The following AK8 variants were observed in gnomAD, a reference collection of about 807,000 sequenced individuals.
The protein encoded by AK8 is adenylate kinase 8.
AK8 carries 44 observed loss-of-function variants against 54.6 expected under a neutral mutation model. The observed-to-expected ratio is 0.81, with a 90% CI of 0.63 to 1.04. AK8 has a LOEUF of 1.04. Ranked by LOEUF, AK8 falls within the 50% of genes least tolerant of loss-of-function variation. AK8 has a pLI of 0.00. For synonymous variants in AK8, 239 were observed against 245.6 expected (o/e 0.97, Z 0.25); for missense variants, 555 against 613.6 (o/e 0.90, Z 1.01).
At chr9:132,850,645 G>A (rs899813824) in intron 5 of AK8, among the ~76,000 whole-genome samples, 5 of 152,068 alleles carry the variant, frequency 3.3e-5, no homozygotes, top group Non-Finnish European at 7.4e-5. Context: ...TGATCCGCCC[G>A]CCTCGCCTTC....
chr9:132,750,331 CTGG>C (rs1304112310), intron 11 of AK8, among the ~76,000 whole-genome samples: 1 of 151,968 alleles, frequency 6.6e-6, no homozygotes, highest in Non-Finnish European at 1.5e-5. Context: ...GTTGGCCAGG[CTGG>C]TGTCCAAATC....
intron 11 of AK8, among the ~76,000 whole-genome samples, chr9:132,767,669 A>T (rs1275113536): frequency 6.6e-6 from 1 of 152,254 alleles, no homozygotes; most frequent in Admixed American, 6.5e-5. Context: ...TGTTTACTGC[A>T]GCACTACTCA....
rs929032119 is a variant in AK8, at chr9:132,790,289, C to T, written c.1121+2345G>A. Reference sequence around the variant, plus strand: ...TTTTTGAGACGGAGTCTCACTCTGTCGCTCAGGCTGGAGCGCAGTGGCGTG... The same window carrying T: ...TTTTTGAGACGGAGTCTCACTCTGTTGCTCAGGCTGGAGCGCAGTGGCGTG... On this transcript the variant is annotated intron_variant, in intron 11 of 12. Transcript: ENST00000298545. This position sits in a 1 kb window ranked among gnomAD's most constrained non-coding sequence, Gnocchi z 4.1. 2.6e-5 allele frequency among the ~76,000 whole-genome samples: 4 copies of T among 151,366 alleles called. No individual in the cohort carries two copies. Among genetic ancestry groups the T allele is most frequent in the East Asian group, 1.9e-4 (1 of 5,178 alleles).
At chr9:132,768,194 G>A (rs56313497) in intron 11 of AK8, among the ~76,000 whole-genome samples, 4,986 of 152,052 alleles carry the variant, frequency 0.033, 272 homozygotes, top group African/African-American at 0.11. Context: ...TGCATGTACC[G>A]AAATATCACA....
chr9:132,856,876 A>C (rs1023091458), intron 4 of AK8, among the ~76,000 whole-genome samples: 2 of 152,098 alleles, frequency 1.3e-5, no homozygotes, highest in Admixed American at 6.5e-5. Context: ...GAAAAAGGGG[A>C]GATAGCGAGA....
upstream of AK8, chr9:132,878,381 G>T: frequency 5.6e-6 from 7 of 1,244,846 alleles, no homozygotes; most frequent in Non-Finnish European, 6.1e-6. The surrounding 1 kb of genome is among the most constrained non-coding windows in gnomAD (Gnocchi z 4.7). Flanking sequence ...CCCGATCCTC[G>T]GTCGCGCGGG....
At chr9:132,821,032 A>G (rs1216970444) in intron 9 of AK8, among the ~76,000 whole-genome samples, 2 of 152,206 alleles carry the variant, frequency 1.3e-5, no homozygotes, top group Non-Finnish European at 2.9e-5. Context: ...GGTAACAAGC[A>G]AAAACCATGA....
chr9:132,779,424 C>T (rs994315369), intron 11 of AK8, among the ~76,000 whole-genome samples: 14 of 152,248 alleles, frequency 9.2e-5, no homozygotes, highest in African/African-American at 3.4e-4. Flanking sequence ...TGGGCTCAAG[C>T]AATCCTCCTA....
intron 10 of AK8, among the ~76,000 whole-genome samples, chr9:132,810,592 G>A (rs1430977923): frequency 6.6e-6 from 1 of 152,162 alleles, no homozygotes; most frequent in African/African-American, 2.4e-5. Context: ...GCCCATATCT[G>A]ATGATTAATT....
intron 11 of AK8, among the ~76,000 whole-genome samples, chr9:132,740,621 G>C (rs537185951): frequency 6.6e-6 from 1 of 152,156 alleles, no homozygotes; most frequent in Non-Finnish European, 1.5e-5. Context: ...GAATGGGTGG[G>C]ACTTGGCTCT....
At chr9:132,805,572 G>A (rs1191802788) in intron 10 of AK8, among the ~76,000 whole-genome samples, 1 of 152,156 alleles carries the variant, frequency 6.6e-6, no homozygotes, top group African/African-American at 2.4e-5. Context: ...TCCTGGCAAA[G>A]CATCATTTTC....
At position 132,817,465 on chromosome 9, in the gene AK8, T is replaced by A. The variant is rs959194463; in HGVS notation, c.890-2738A>T. Among the ~76,000 whole-genome samples the A allele has an allele frequency of 3.9e-5, 6 of 152,008 alleles. No homozygotes were observed. The East Asian group carries it at 1.2e-3, about 29-fold the overall frequency. On this transcript the variant is annotated intron_variant, in intron 9 of 12. Coordinates refer to ENST00000298545, the MANE Select transcript of AK8 (RefSeq NM_152572.3). ...AGGACTTTAAAACAGCTATTATGAG[T>A]ACACTTAAAACCTTAAAGGAAAAGA... is the stretch of plus-strand genomic sequence containing the variant.
chr9:132,753,512 G>A (rs922423226), intron 11 of AK8, among the ~76,000 whole-genome samples: 13 of 152,260 alleles, frequency 8.5e-5, no homozygotes, highest in Non-Finnish European at 1.6e-4. Context: ...CTGGGGCAGA[G>A]AGAGCTCATG....
chr9:132,761,350 C>T (rs1838464389), intron 11 of AK8, among the ~76,000 whole-genome samples: 1 of 150,698 alleles, frequency 6.6e-6, no homozygotes, highest in African/African-American at 2.5e-5. Context: ...GCCACCTCTG[C>T]CTCCCGGGTT....
chr9:132,806,933 G>C (rs1271232796), intron 10 of AK8, among the ~76,000 whole-genome samples: 1 of 152,108 alleles, frequency 6.6e-6, no homozygotes, highest in Non-Finnish European at 1.5e-5. Flanking sequence ...GGTTCTATTA[G>C]GCCATGAGGG....
intron 5 of AK8, among the ~76,000 whole-genome samples, chr9:132,845,027 T>C (rs1842691689): frequency 6.6e-6 from 1 of 152,190 alleles, no homozygotes; most frequent in African/African-American, 2.4e-5. Flanking sequence ...TAGACAGCAG[T>C]GCCACCTCCG....
At chr9:132,766,147 T>C (rs1392529382) in intron 11 of AK8, among the ~76,000 whole-genome samples, 1 of 152,234 alleles carries the variant, frequency 6.6e-6, no homozygotes, top group Non-Finnish European at 1.5e-5. Context: ...GATCTTGCTC[T>C]GTTGCTGAAG....
At chr9:132,750,450 C>G (rs187043422) in intron 11 of AK8, among the ~76,000 whole-genome samples, 120 of 151,948 alleles carry the variant, frequency 7.9e-4, no homozygotes, top group African/African-American at 2.9e-3. Context: ...TCTTTCTGTC[C>G]GGCATCGGGG....
At chr9:132,758,688 A>G (rs1221520515) in intron 11 of AK8, among the ~76,000 whole-genome samples, 1 of 151,178 alleles carries the variant, frequency 6.6e-6, no homozygotes, top group Non-Finnish European at 1.5e-5. Context: ...CTAACTCCTG[A>G]GCTCAAGTGA....
Sources: allele counts gnomAD v4.1 joint callset (sites outside exome capture counted in the v4.1 genomes callset), GRCh38; gene constraint gnomAD v4.1.1; non-coding constraint Gnocchi (gnomAD v3.1); transcripts MANE v1.5; gene names NCBI Gene and HGNC (gene_info 2026-07-23, HGNC 2026-07-21).